NDUFAF2: variants seen among roughly 807,000 people sequenced by gnomAD.
The protein encoded by NDUFAF2 is NADH dehydrogenase [ubiquinone] 1 alpha subcomplex assembly factor 2.
NDUFAF2 carries 13 observed loss-of-function variants against 22.8 expected under a neutral mutation model. That is an observed-to-expected ratio of 0.57 (90% CI 0.37 to 0.91). The LOEUF (loss-of-function observed/expected upper bound fraction) is 0.91, where lower values mean the gene tolerates loss of function less well. Ranked by LOEUF, NDUFAF2 falls within the 40% of genes least tolerant of loss-of-function variation. NDUFAF2 has a pLI of 0.01. For synonymous variants in NDUFAF2, 53 were observed against 64.2 expected, an observed-to-expected ratio of 0.83 and a Z score of 0.84; for missense variants, 162 against 195.2, an observed-to-expected ratio of 0.83 and a Z score of 1.01.
intron 2 of NDUFAF2, among the ~76,000 whole-genome samples, chr5:61,077,527 T>C (rs1752384669): frequency 6.6e-6 from 1 of 152,176 alleles, no homozygotes; most frequent in South Asian, 2.1e-4. Flanking sequence ...AGTCTGAGAA[T>C]AGACAGTGTT....
intron 1 of NDUFAF2, among the ~76,000 whole-genome samples, chr5:61,002,046 T>C (rs1441703191): frequency 2.6e-5 from 4 of 151,958 alleles, no homozygotes; most frequent in Non-Finnish European, 4.4e-5. Flanking sequence ...ATCAGCTCCA[T>C]CAATAAGCAA....
At chr5:61,001,532 A>G (rs1355543435) in intron 1 of NDUFAF2, among the ~76,000 whole-genome samples, 3 of 152,114 alleles carry the variant, frequency 2.0e-5, no homozygotes, top group Non-Finnish European at 4.4e-5. Context: ...TAGTCGAGAC[A>G]TACAGAGTTT....
At chr5:61,007,797 A>T (rs1026710240) in intron 1 of NDUFAF2, among the ~76,000 whole-genome samples, 1 of 152,192 alleles carries the variant, frequency 6.6e-6, no homozygotes, top group Admixed American at 6.5e-5. Flanking sequence ...TCATCCCATT[A>T]CTGGGTATAT....
chr5:61,136,005 T>TATATATATATATATATA lies in NDUFAF2; in HGVS notation c.259-16699_259-16698insATATATATATATATATA, dbSNP rs1411594766. Among the ~76,000 whole-genome samples the TATATATATATATATATA allele has an allele frequency of 8.3e-5, 8 of 96,026 alleles. 1 individual carries two copies. Among genetic ancestry groups the TATATATATATATATATA allele is most frequent in the African/African-American group, 1.6e-4 (3 of 18,320 alleles). 63.0% of individuals were successfully genotyped at this position (96,026 alleles called of 152,430 possible). On this transcript the variant is annotated intron_variant, in intron 3 of 3. Transcript: ENST00000296597. ...TTGGTCCCTACATCTAAGCCTGTCTTTATATATATATATATATATATATAT... is the reference window on the plus strand; with the variant it reads ...TTGGTCCCTACATCTAAGCCTGTCTTATATATATATATATATATATATATATATATATATATATATAT...
In NDUFAF2 at chr5:60,945,835, G is replaced by A. The variant is rs536633209; in HGVS notation, c.127+453G>A. 5.6e-4 allele frequency among the ~76,000 whole-genome samples: 85 copies of A among 152,332 alleles called. 1 individual carries two copies. The highest frequency in any genetic ancestry group is 2.0e-3 in the African/African-American group (82 of 41,586). ...GCCTTGTGACCCAGAGCTGAGTGGT[G>A]TAATTGAAGAGGAGTATCTTCAGCG... On this transcript the variant is annotated intron_variant, in intron 1 of 3. Transcript: ENST00000296597.
intron 3 of NDUFAF2, among the ~76,000 whole-genome samples, chr5:61,134,748 A>C (rs928369473): frequency 6.6e-6 from 1 of 152,176 alleles, no homozygotes; most frequent in African/African-American, 2.4e-5. Context: ...TGAATCCCTG[A>C]AACAAATAAA....
At chr5:60,972,143 A>G (rs1580073511) in intron 1 of NDUFAF2, among the ~76,000 whole-genome samples, 1 of 151,088 alleles carries the variant, frequency 6.6e-6, no homozygotes, top group Non-Finnish European at 1.5e-5. Context: ...GGGTTTCACC[A>G]TGTTGGTCAG....
intron 1 of NDUFAF2, among the ~76,000 whole-genome samples, chr5:61,014,077 C>A (rs1410252736): frequency 1.3e-5 from 2 of 152,060 alleles, no homozygotes; most frequent in Non-Finnish European, 2.9e-5. Context: ...GCAAGTGTCC[C>A]CTAGATAGTT....
At chr5:60,971,530 G>A (rs555396476) in intron 1 of NDUFAF2, among the ~76,000 whole-genome samples, 33 of 151,744 alleles carry the variant, frequency 2.2e-4, no homozygotes, top group African/African-American at 5.8e-4. Context: ...CTCGTGATCC[G>A]CCCGCCTCGG....
At chr5:60,956,665 T>C (rs1462690304) in intron 1 of NDUFAF2, among the ~76,000 whole-genome samples, 2 of 152,164 alleles carry the variant, frequency 1.3e-5, no homozygotes, top group Non-Finnish European at 2.9e-5. Flanking sequence ...ATATGTTATC[T>C]CAATTTTTTG....
chr5:61,070,449 A>G (rs1752281607), intron 1 of NDUFAF2, among the ~76,000 whole-genome samples: 1 of 152,152 alleles, frequency 6.6e-6, no homozygotes, highest in East Asian at 1.9e-4. Context: ...CAAAGAATTT[A>G]TTTAATAAGC....
intron 1 of NDUFAF2, among the ~76,000 whole-genome samples, chr5:61,035,424 GTTTTTTT>G (rs768889484): frequency 7.4e-5 from 3 of 40,520 alleles, no homozygotes; most frequent in African/African-American, 2.0e-4. Flanking sequence ...CTCTTGCTCT[GTTTTTTT>G]TTTTTTTTTT....
chr5:60,970,100 A>G (rs1374887131), intron 1 of NDUFAF2, among the ~76,000 whole-genome samples: 1 of 152,162 alleles, frequency 6.6e-6, no homozygotes, highest in Non-Finnish European at 1.5e-5. Context: ...TTGTTATGCC[A>G]GTACCATGCC....
intron 1 of NDUFAF2, among the ~76,000 whole-genome samples, chr5:60,985,859 G>T (rs1274293377): frequency 6.6e-6 from 1 of 152,024 alleles, no homozygotes. Flanking sequence ...GGGAATTGTG[G>T]TAGTTACAAT....
At chr5:61,068,676 T>C (rs947397350) in intron 1 of NDUFAF2, among the ~76,000 whole-genome samples, 2 of 152,140 alleles carry the variant, frequency 1.3e-5, no homozygotes, top group African/African-American at 4.8e-5. Flanking sequence ...ATGAATCTAT[T>C]ATTAGGATTA....
chr5:61,064,399 T>A (rs1426176381), intron 1 of NDUFAF2, among the ~76,000 whole-genome samples: 2 of 152,134 alleles, frequency 1.3e-5, no homozygotes, highest in Non-Finnish European at 2.9e-5. Context: ...CACTTGGAAC[T>A]AACAGACATC....
At chr5:61,125,647 A>G (rs978002931) in intron 3 of NDUFAF2, among the ~76,000 whole-genome samples, 1 of 152,136 alleles carries the variant, frequency 6.6e-6, no homozygotes, top group Non-Finnish European at 1.5e-5. Flanking sequence ...TTGACAAGGC[A>G]GATGGTTTAA....
chr5:61,002,004 G>T (rs1317173454), intron 1 of NDUFAF2, among the ~76,000 whole-genome samples: 2 of 152,130 alleles, frequency 1.3e-5, no homozygotes, highest in African/African-American at 4.8e-5. Flanking sequence ...AAACTGAGTG[G>T]CAGTGTAGGG....
intron 1 of NDUFAF2, among the ~76,000 whole-genome samples, chr5:60,983,469 C>G (rs1751017507): frequency 7.0e-6 from 1 of 143,326 alleles, no homozygotes; most frequent in Admixed American, 7.1e-5. Flanking sequence ...ACATGAAGTC[C>G]TTGCCCATGC....
Sources: gnomAD v4.1 joint callset for allele counts (sites outside exome capture counted in the v4.1 genomes callset) on GRCh38, gnomAD v4.1.1 for gene constraint, MANE v1.5 for transcripts, NCBI Gene and HGNC (gene_info 2026-07-23, HGNC 2026-07-21) for gene names.